The following UTRN variants were observed in gnomAD, a reference collection of about 807,000 sequenced individuals.
UTRN encodes the protein dystrophin-related protein 1.
A neutral mutation model predicts 463.9 loss-of-function variants in UTRN; 283 were observed. The observed-to-expected ratio is 0.61, with a 90% CI of 0.55 to 0.67. The LOEUF (loss-of-function observed/expected upper bound fraction) is 0.67, where lower values mean the gene tolerates loss of function less well. UTRN is among the 30% of genes least tolerant of loss of function. The probability of loss-of-function intolerance (pLI) is 0.00; values close to 1 mark genes in which losing one functional copy is unlikely to be tolerated. For missense variants in UTRN, 3,922 were observed against 4,084.3 expected (o/e 0.96, Z 1.08); for synonymous variants, 1,442 against 1,431.5 (o/e 1.01, Z -0.17).
chr6:144,562,815 C>T (rs1451481300), intron 50 of UTRN, among the ~76,000 whole-genome samples: 1 of 152,172 alleles, frequency 6.6e-6, no homozygotes. Flanking sequence ...TTTACATTCT[C>T]ACCAACAGCA....
chr6:144,630,864 T>G (rs1776433914), intron 51 of UTRN, among the ~76,000 whole-genome samples: 1 of 152,206 alleles, frequency 6.6e-6, no homozygotes, highest in Non-Finnish European at 1.5e-5. Context: ...TCAGCCCTGC[T>G]CTTTCACAAT....
In UTRN at chr6:144,482,365, C is replaced by T; in HGVS notation, c.3664C>T (p.Arg1222Ter). 1 of 1,594,476 alleles carries T rather than the reference C, an allele frequency of 6.3e-7. No homozygotes were observed. Among genetic ancestry groups the T allele is most frequent in the Non-Finnish European group, 8.5e-7 (1 of 1,174,364 alleles). Residue 1222 changes from arginine to a stop codon, truncating the protein, a stop_gained, in exon 27 of 75, where the codon CGA (arginine) becomes TGA (stop). Coordinates refer to ENST00000367545, the MANE Select transcript of UTRN (RefSeq NM_007124.3). LOFTEE classifies it high-confidence loss of function. ...TTACCAACTTCTTTGTAATAGAATT[C>T]GAGGAAAGTGCCACACGCTAGAGGT... ...ENYQLLCNRI[R>*]GKCHTLEEVW...
At position 144,591,132 on chromosome 6, in the gene UTRN, C is replaced by G. The variant is rs1803022874; in HGVS notation, c.7479+13844C>G. On this transcript the variant is annotated intron_variant, in intron 51 of 74. Transcript: ENST00000367545. Reference sequence around the variant, plus strand: ...GCATCATAATCTTCATTATCTTTATCTCTGAAGTAACCCTTACATCTTAAC... The same window carrying G: ...GCATCATAATCTTCATTATCTTTATGTCTGAAGTAACCCTTACATCTTAAC... Among the ~76,000 whole-genome samples the G allele has an allele frequency of 2.0e-5, 3 of 152,238 alleles. No individual in the cohort carries two copies. In the South Asian group the frequency reaches 6.2e-4, roughly 32 times the overall value.
intron 53 of UTRN, among the ~76,000 whole-genome samples, chr6:144,709,145 C>G (rs1394658930): frequency 6.6e-6 from 1 of 152,178 alleles, no homozygotes; most frequent in Non-Finnish European, 1.5e-5. Flanking sequence ...AACCATAGTA[C>G]TTCGTTGCAA....
intron 65 of UTRN, among the ~76,000 whole-genome samples, chr6:144,813,482 C>T (rs960981780): frequency 2.6e-5 from 4 of 152,250 alleles, no homozygotes; most frequent in African/African-American, 9.6e-5. Flanking sequence ...GCCACCACAC[C>T]TGGCCCAGAG....
chr6:144,822,719 T>A (rs1315904632), intron 66 of UTRN, among the ~76,000 whole-genome samples: 1 of 152,128 alleles, frequency 6.6e-6, no homozygotes, highest in East Asian at 1.9e-4. Context: ...TTTGTCTTAG[T>A]ATCTAATATA....
At chr6:144,544,209 T>C (rs1182731301) in intron 46 of UTRN, among the ~76,000 whole-genome samples, 1 of 152,194 alleles carries the variant, frequency 6.6e-6, no homozygotes, top group African/African-American at 2.4e-5. Flanking sequence ...CTAATCTTAG[T>C]ATGTCTCTCT....
rs1232837536 is a variant in UTRN at position 144,533,193 on chromosome 6, G to A, written c.6166G>A (p.Glu2056Lys). Residue 2056 changes from glutamate (E) to lysine (K), a missense_variant, in exon 43 of 75, where the codon GAA becomes AAA. Around this residue, in one of 3 missense-constraint regions of UTRN, gnomAD observed 2,349 missense variants for 2,303.8 expected, o/e 1.02. Transcript: ENST00000367545. ...CCAGGCAGATGGAAGCTTCTTGAAA[G>A]AAAAACTGGCAGGTTTAAACCAACG... ...LSQADGSFLKEKLAGLNQRWD... is the reference protein window; with the variant it reads ...LSQADGSFLKKKLAGLNQRWD... 1 of 1,614,150 alleles carries A rather than the reference G, an allele frequency of 6.2e-7. No individual in the cohort carries two copies. Among genetic ancestry groups the A allele is most frequent in the Non-Finnish European group, 8.5e-7 (1 of 1,180,004 alleles).
chr6:144,604,711 C>T (rs1017954106), intron 51 of UTRN, among the ~76,000 whole-genome samples: 5 of 151,872 alleles, frequency 3.3e-5, no homozygotes, highest in Admixed American at 3.3e-4. Flanking sequence ...GTCAGGAGTT[C>T]GAGACCAGCC....
intron 2 of UTRN, among the ~76,000 whole-genome samples, chr6:144,333,009 C>T (rs1157416104): frequency 6.6e-6 from 1 of 151,884 alleles, no homozygotes; most frequent in East Asian, 1.9e-4. Flanking sequence ...TCTTGGCTCA[C>T]TGCAACCTCC....
At position 144,289,534 on chromosome 6, in the gene UTRN, CT is replaced by C. The variant is rs149517807; in HGVS notation, c.-92-2202del. ...ACAAGGTCTCACCATGTTGCCTAGG[CT>C]GATCTCAAACTTCTGGGCTCAAGTA... On this transcript the variant is annotated intron_variant, in intron 1 of 74. Coordinates refer to ENST00000367545, the MANE Select transcript of UTRN (RefSeq NM_007124.3). Among the ~76,000 whole-genome samples, 372 of 152,256 alleles carry C rather than the reference CT, an allele frequency of 2.4e-3. 6 individuals carry two copies. The South Asian group carries it at 0.034, about 14-fold the overall frequency.
chr6:144,306,704 A>G (rs1168555063), intron 2 of UTRN, among the ~76,000 whole-genome samples: 3 of 151,990 alleles, frequency 2.0e-5, no homozygotes, highest in African/African-American at 7.3e-5. Flanking sequence ...GAAAACTGGC[A>G]GCTGGAGTCT....
At chr6:144,398,462 A>AT (rs1284732797) in intron 2 of UTRN, 4 of 373,590 alleles carry the variant, frequency 1.1e-5, no homozygotes, top group Non-Finnish European at 1.6e-5. Flanking sequence ...ATGTGCTGGC[A>AT]TTTTTTTCCC....
intron 2 of UTRN, among the ~76,000 whole-genome samples, chr6:144,352,967 G>A (rs1185003311): frequency 6.6e-6 from 1 of 151,742 alleles, no homozygotes; most frequent in Admixed American, 6.6e-5. Flanking sequence ...CTTTGAGACA[G>A]GGTCTTGCTC....
At chr6:144,488,167 A>G (rs1292971464) in intron 29 of UTRN, among the ~76,000 whole-genome samples, 1 of 152,236 alleles carries the variant, frequency 6.6e-6, no homozygotes. Flanking sequence ...CACATATTAA[A>G]TAATAACTGT....
intron 51 of UTRN, among the ~76,000 whole-genome samples, chr6:144,656,715 TTAGA>T (rs1323269031): frequency 4.6e-5 from 7 of 152,154 alleles, no homozygotes; most frequent in Non-Finnish European, 8.8e-5. Context: ...GAGTAATATA[TTAGA>T]TATTTAGCTA....
At chr6:144,436,205 A>G (rs1786521024) in intron 10 of UTRN, 67 bp downstream of exon 10, 2 of 1,452,912 alleles carry the variant, frequency 1.4e-6, no homozygotes, top group African/African-American at 1.4e-5. Flanking sequence ...CAGGGACTCT[A>G]CTCTCCTATT....
intron 23 of UTRN, among the ~76,000 whole-genome samples, chr6:144,469,914 A>C (rs1790345475): frequency 1.3e-5 from 2 of 151,584 alleles, no homozygotes; most frequent in Admixed American, 1.3e-4. Context: ...CTTAACGAGC[A>C]TGCTGCCTTC....
intron 53 of UTRN, chr6:144,708,276 A>G (rs181496956): frequency 1.5e-6 from 1 of 656,998 alleles, no homozygotes; most frequent in Non-Finnish European, 2.9e-6. Flanking sequence ...ATTGCAATAG[A>G]GTTGTAAGTA....
Sources: allele counts gnomAD v4.1 joint callset (sites outside exome capture counted in the v4.1 genomes callset), GRCh38; gene constraint gnomAD v4.1.1; regional missense constraint gnomAD v4.1.1; transcripts MANE v1.5; gene names NCBI Gene and HGNC (gene_info 2026-07-23, HGNC 2026-07-21).